The following NTRK3 variants were observed in gnomAD, a reference collection of about 807,000 sequenced individuals.
The protein encoded by NTRK3 is neurotrophic receptor tyrosine kinase 3, also known as NT-3 growth factor receptor.
In NTRK3, 24 loss-of-function variants were observed where a neutral mutation model predicts 91.7. That is an observed-to-expected ratio of 0.26 (90% CI 0.19 to 0.37). The LOEUF is 0.37. NTRK3 is among the 10% of genes least tolerant of loss of function. The pLI is 1.00. For missense variants in NTRK3, 880 were observed against 1,068.9 expected (o/e 0.82, Z 2.46); for synonymous variants, 483 against 404.0 (o/e 1.20, Z -2.34).
At chr15:88,215,603 T>C (rs1263100356) in intron 3 of NTRK3, among the ~76,000 whole-genome samples, 1 of 152,124 alleles carries the variant, frequency 6.6e-6, no homozygotes, top group Non-Finnish European at 1.5e-5. Context: ...CAAAGAATTC[T>C]AGAATGAGAG....
At chr15:88,230,901 T>C (rs1425260995) in intron 3 of NTRK3, among the ~76,000 whole-genome samples, 1 of 152,226 alleles carries the variant, frequency 6.6e-6, no homozygotes, top group African/African-American at 2.4e-5. Flanking sequence ...ACATGCCAGT[T>C]GGTTGACGCC....
chr15:87,942,161 C>T (rs1391557384), intron 14 of NTRK3, among the ~76,000 whole-genome samples: 2 of 152,194 alleles, frequency 1.3e-5, no homozygotes, highest in Non-Finnish European at 2.9e-5. Context: ...CCCACAGTGT[C>T]GCAGATGATC....
chr15:88,111,647 G>A (rs2051368615), intron 13 of NTRK3, among the ~76,000 whole-genome samples: 1 of 152,168 alleles, frequency 6.6e-6, no homozygotes, highest in Admixed American at 6.5e-5. Flanking sequence ...ACTTTAAAAT[G>A]TATGATAGTG....
At chr15:88,238,559 G>T (rs950294880) in intron 3 of NTRK3, among the ~76,000 whole-genome samples, 1 of 152,034 alleles carries the variant, frequency 6.6e-6, no homozygotes, top group Non-Finnish European at 1.5e-5. Flanking sequence ...CACGAAATTG[G>T]TTTGTATTCA....
At chr15:88,132,525 T>A (rs1036116638) in intron 10 of NTRK3, among the ~76,000 whole-genome samples, 2 of 152,210 alleles carry the variant, frequency 1.3e-5, no homozygotes, top group Non-Finnish European at 2.9e-5. Flanking sequence ...GACCTGCACC[T>A]AAGTCTGTCT....
At chr15:88,210,449 C>T (rs2049143831) in intron 3 of NTRK3, among the ~76,000 whole-genome samples, 2 of 152,206 alleles carry the variant, frequency 1.3e-5, no homozygotes, top group Non-Finnish European at 2.9e-5. Context: ...ACAGAATGTC[C>T]TGTATCTCAA....
At chr15:87,990,411 C>T (rs2075194980) in intron 14 of NTRK3, among the ~76,000 whole-genome samples, 1 of 152,162 alleles carries the variant, frequency 6.6e-6, no homozygotes, top group South Asian at 2.1e-4. Flanking sequence ...TGGAACCCAG[C>T]GTAACAATGA....
At chr15:87,952,905 G>A (rs1172499944) in intron 14 of NTRK3, among the ~76,000 whole-genome samples, 1 of 151,274 alleles carries the variant, frequency 6.6e-6, no homozygotes, top group African/African-American at 2.4e-5. Flanking sequence ...TGTATCTGAT[G>A]GGGAACAAGG....
chr15:88,004,697 A>G (rs531823856), intron 14 of NTRK3, among the ~76,000 whole-genome samples: 1 of 152,328 alleles, frequency 6.6e-6, no homozygotes, highest in South Asian at 2.1e-4. Context: ...GAGGGAAGAG[A>G]AGAAACATTT....
At chr15:88,210,970 G>C (rs1290695550) in intron 3 of NTRK3, among the ~76,000 whole-genome samples, 1 of 151,924 alleles carries the variant, frequency 6.6e-6, no homozygotes, top group Non-Finnish European at 1.5e-5. Context: ...CATTCAAGTG[G>C]CATTTATATA....
At chr15:87,861,151 C>T (rs763780656) in exon 19 of NTRK3, 4 of 224,522 alleles carry the variant, frequency 1.8e-5, no homozygotes, top group Non-Finnish European at 3.6e-5. Context: ...TATATTTATG[C>T]AAACATTGGG....
At chr15:88,095,456 A>T (rs1242935114) in intron 13 of NTRK3, among the ~76,000 whole-genome samples, 6 of 152,170 alleles carry the variant, frequency 3.9e-5, no homozygotes, top group Admixed American at 3.9e-4. Context: ...CAGGGTGTCA[A>T]TGTTGTCAAT....
At chr15:87,946,597 G>A (rs747293413) in intron 14 of NTRK3, among the ~76,000 whole-genome samples, 37 of 152,012 alleles carry the variant, frequency 2.4e-4, no homozygotes, top group Admixed American at 2.6e-4. Flanking sequence ...CAGCCCTGAG[G>A]GCTGGCCCCT....
intron 13 of NTRK3, among the ~76,000 whole-genome samples, chr15:88,049,400 T>C (rs1325157087): frequency 6.6e-6 from 1 of 152,184 alleles, no homozygotes; most frequent in African/African-American, 2.4e-5. Flanking sequence ...GGTGATCTAT[T>C]AAAAACCCCA....
chr15:88,110,585 A>C (rs2051231881), intron 13 of NTRK3, among the ~76,000 whole-genome samples: 1 of 152,178 alleles, frequency 6.6e-6, no homozygotes, highest in Admixed American at 6.5e-5. Flanking sequence ...TGCTGACATG[A>C]GTGGTACTGC....
intron 17 of NTRK3, among the ~76,000 whole-genome samples, chr15:87,911,509 C>G (rs1240842274): frequency 1.3e-5 from 2 of 152,224 alleles, no homozygotes; most frequent in Non-Finnish European, 2.9e-5. Context: ...GTAGGACGGT[C>G]TGTTCCATTT....
At chr15:87,995,780 C>T (rs2075646525) in intron 14 of NTRK3, among the ~76,000 whole-genome samples, 1 of 152,184 alleles carries the variant, frequency 6.6e-6, no homozygotes, top group Admixed American at 6.5e-5. Context: ...GTCTCTGTTG[C>T]AGCTACTCAA....
At chr15:87,883,702 T>C (rs2065375732) in intron 17 of NTRK3, among the ~76,000 whole-genome samples, 1 of 150,344 alleles carries the variant, frequency 6.7e-6, no homozygotes, top group Admixed American at 6.6e-5. Context: ...AGATAAAAAA[T>C]AAATATGAAG....
At chr15:88,143,721 A>G (rs2042612102) in intron 6 of NTRK3, among the ~76,000 whole-genome samples, 1 of 152,184 alleles carries the variant, frequency 6.6e-6, no homozygotes, top group Non-Finnish European at 1.5e-5. Flanking sequence ...ATTATTGTTT[A>G]GTGACGTCTC....
Sources: allele counts gnomAD v4.1 joint callset (sites outside exome capture counted in the v4.1 genomes callset), GRCh38; gene constraint gnomAD v4.1.1; transcripts MANE v1.5; gene names NCBI Gene and HGNC (gene_info 2026-07-23, HGNC 2026-07-21).